Variants in ESYT3 observed in about 807,000 individuals in gnomAD.
The protein encoded by ESYT3 is extended synaptotagmin-3.
In ESYT3, 101 loss-of-function variants were observed where a neutral mutation model predicts 111.5. The observed-to-expected ratio is 0.91, with a 90% CI of 0.77 to 1.07. The LOEUF (loss-of-function observed/expected upper bound fraction) is 1.07, where lower values mean the gene tolerates loss of function less well. Ranked by LOEUF, ESYT3 falls within the 50% of genes least tolerant of loss-of-function variation. ESYT3 has a pLI of 0.00. For missense variants in ESYT3, 1,097 were observed against 1,109.4 expected (o/e 0.99, Z 0.16); for synonymous variants, 416 against 446.8 (o/e 0.93, Z 0.87).
At chr3:138,436,746 G>GCA (rs2030729505) in intron 1 of ESYT3, among the ~76,000 whole-genome samples, 1 of 152,174 alleles carries the variant, frequency 6.6e-6, no homozygotes, top group Non-Finnish European at 1.5e-5. Context: ...GCACACAGTT[G>GCA]AGGGAGTCCA....
intron 1 of ESYT3, among the ~76,000 whole-genome samples, chr3:138,451,245 C>A (rs775902022): frequency 6.6e-6 from 1 of 152,064 alleles, no homozygotes; most frequent in Admixed American, 6.5e-5. Flanking sequence ...GTTGTGACCC[C>A]GTAGTTGGAA....
In ESYT3 at chr3:138,472,732, C is replaced by A. The variant is rs749111800; in HGVS notation, c.2110C>A (p.Pro704Thr). 6.2e-7 allele frequency: 1 copy of A among 1,614,234 alleles called. No homozygotes were observed. The highest frequency in any genetic ancestry group is 8.5e-7 in the Non-Finnish European group (1 of 1,180,040). ...GPHSPGPIKS[P>T]RPMKCPASPF... ...CCACTCTCCAGGGCCCATCAAGTCA[C>A]CCAGACCCATGAAATGCCCTGCCTC... Residue 704 changes from proline to threonine, a missense_variant, in exon 18 of 23, where the codon CCC becomes ACC. Physicochemically the swap from Pro to Thr is conservative, Grantham distance 38. Transcript: ENST00000389567.
At chr3:138,466,117 G>A (rs772262160) in intron 10 of ESYT3, among the ~76,000 whole-genome samples, 4 of 152,216 alleles carry the variant, frequency 2.6e-5, no homozygotes, top group Non-Finnish European at 5.9e-5. Flanking sequence ...ATTATGAAGT[G>A]GGGGAGAGCA....
intron 2 of ESYT3, among the ~76,000 whole-genome samples, chr3:138,454,915 T>C (rs1041235457): frequency 6.6e-6 from 1 of 152,232 alleles, no homozygotes; most frequent in Non-Finnish European, 1.5e-5. Flanking sequence ...ATAAATGTAG[T>C]GAATGAGTAT....
rs1381848587 is a variant in ESYT3 at position 138,472,814 on chromosome 3, T to G, written c.2192T>G (p.Leu731Trp). ...LAPSMSSLNS[L>W]ASSCFDLADI... is the part of the protein sequence containing the mutation. ...CCCAGCATGTCCTCGCTCAACTCCT[T>G]GGCCTCTTCTTGCTTTGACCTGGCA... Residue 731 changes from leucine (L) to tryptophan (W), a missense_variant, in exon 18 of 23, where the codon TTG becomes TGG. Physicochemically the swap from Leu to Trp is moderately conservative, Grantham distance 61. Transcript: ENST00000389567. 1 of 1,614,240 alleles carries G rather than the reference T, an allele frequency of 6.2e-7. No individual in the cohort carries two copies. The highest frequency in any genetic ancestry group is 1.7e-5 in the Admixed American group (1 of 60,034).
Position 138,434,777 on chromosome 3 carries a change from A to G in ESYT3, c.-22A>G. 6.6e-7 allele frequency: 1 copy of G among 1,512,924 alleles called. No individual in the cohort carries two copies. The highest frequency in any genetic ancestry group is 1.3e-5 in the South Asian group (1 of 77,128). The allele number at this position is 1,512,924 out of a possible 1,614,324, so 93.7% of individuals were successfully genotyped here. A position where few individuals can be genotyped will look rare whatever the true frequency, so the allele number is the denominator to read the frequency against. On this transcript the variant is annotated 5_prime_UTR_variant, in exon 1 of 23. Coordinates refer to ENST00000389567, the MANE Select transcript of ESYT3 (RefSeq NM_031913.5). ...CTAAGCTCGGGTGAAGCTCTCGGGAAGGGCAAGACTGCGGCGACGAGATGC... is the reference window on the plus strand; with the variant it reads ...CTAAGCTCGGGTGAAGCTCTCGGGAGGGGCAAGACTGCGGCGACGAGATGC...
chr3:138,466,546 T>C (rs2032937687), intron 10 of ESYT3, among the ~76,000 whole-genome samples: 1 of 152,190 alleles, frequency 6.6e-6, no homozygotes, highest in African/African-American at 2.4e-5. Flanking sequence ...TAGTAACTGA[T>C]TTCAGGTGTG....
chr3:138,470,405 ACAGT>A, intron 16 of ESYT3: 1 of 1,177,576 alleles, frequency 8.5e-7, no homozygotes, highest in South Asian at 2.6e-5. Flanking sequence ...TATTTGCTAC[ACAGT>A]ACCCAGAGCA....
chr3:138,458,979 G>A (rs1012108171), intron 4 of ESYT3, among the ~76,000 whole-genome samples: 1 of 152,134 alleles, frequency 6.6e-6, no homozygotes, highest in South Asian at 2.1e-4. Flanking sequence ...TGCCTCCTGG[G>A]GTCTGGGCTT....
intron 16 of ESYT3, 84 bp from the exon 17 acceptor site, chr3:138,470,793 C>A: frequency 6.3e-7 from 1 of 1,595,198 alleles, no homozygotes. Context: ...TGAAGTAAAC[C>A]CAAACTTGGC....
At chr3:138,452,137 G>C (rs1398428467) in intron 2 of ESYT3, 48 bp downstream of exon 2, 1 of 1,589,884 alleles carries the variant, frequency 6.3e-7, no homozygotes, top group Non-Finnish European at 8.6e-7. Context: ...TGCCAGCCTC[G>C]TCCTCCCCGC....
At chr3:138,455,913 G>A (rs116753212) in intron 3 of ESYT3, among the ~76,000 whole-genome samples, 5 of 152,134 alleles carry the variant, frequency 3.3e-5, no homozygotes, top group African/African-American at 1.2e-4. Context: ...GGTGCCCTAC[G>A]CCTCCTGCCT....
chr3:138,455,148 T>A, intron 2 of ESYT3, 46 bp from the exon 3 acceptor site: 1 of 1,608,154 alleles, frequency 6.2e-7, no homozygotes, highest in South Asian at 1.1e-5. Flanking sequence ...GGGTCTGCAG[T>A]GGGGGTACAG....
chr3:138,451,003 C>G (rs1293384319), intron 1 of ESYT3, among the ~76,000 whole-genome samples: 1 of 152,212 alleles, frequency 6.6e-6, no homozygotes, highest in African/African-American at 2.4e-5. Flanking sequence ...GTGTTTTGTG[C>G]AGGTACCCTG....
At position 138,440,063 on chromosome 3, in the gene ESYT3, G is replaced by A. The variant is rs76462574; in HGVS notation, c.327+4938G>A. Reference sequence around the variant, plus strand: ...GACATTTTAGGAGATGTTCTATAGAGTCTTCATAGCTGTAGGGTCTGCCAT... The same window carrying A: ...GACATTTTAGGAGATGTTCTATAGAATCTTCATAGCTGTAGGGTCTGCCAT... On this transcript the variant is annotated intron_variant, in intron 1 of 22. Transcript: ENST00000389567. This position sits in a 1 kb window ranked among gnomAD's most constrained non-coding sequence, Gnocchi z 4.2. Among the ~76,000 whole-genome samples, 1,263 of 152,286 alleles carry A rather than the reference G, an allele frequency of 8.3e-3. 21 individuals carry two copies. Among genetic ancestry groups the A allele is most frequent in the African/African-American group, 0.028 (1,143 of 41,552 alleles).
intron 3 of ESYT3, among the ~76,000 whole-genome samples, chr3:138,457,236 G>A (rs376853846): frequency 2.0e-5 from 3 of 152,328 alleles, no homozygotes; most frequent in African/African-American, 7.2e-5. Context: ...GTGCTGTGGG[G>A]CCAGTGACTT....
rs1319381462 is a variant in ESYT3 at position 138,440,936 on chromosome 3, A to T, written c.327+5811A>T. 1.3e-5 allele frequency among the ~76,000 whole-genome samples: 2 copies of T among 152,232 alleles called. No homozygotes were observed. The highest frequency in any genetic ancestry group is 2.4e-5 in the African/African-American group (1 of 41,460). On this transcript the variant is annotated intron_variant, in intron 1 of 22. Transcript: ENST00000389567. This position sits in a 1 kb window ranked among gnomAD's most constrained non-coding sequence, Gnocchi z 4.2. ...CATGGCCCCTGCCCTTGAGGAACCC[A>T]TGAGCTAGATGGAGATTCAGACCTG...
chr3:138,452,344 C>T (rs940948677), intron 2 of ESYT3, among the ~76,000 whole-genome samples: 1 of 152,216 alleles, frequency 6.6e-6, no homozygotes, highest in Non-Finnish European at 1.5e-5. Flanking sequence ...TCCCCACTAG[C>T]TCACCAGGCC....
rs1035646830 is a variant in ESYT3 at position 138,440,764 on chromosome 3, G to A, written c.327+5639G>A. On this transcript the variant is annotated intron_variant, in intron 1 of 22. Transcript: ENST00000389567. This position sits in a 1 kb window ranked among gnomAD's most constrained non-coding sequence, Gnocchi z 4.2. ...CCTGGGCCAGGATTGAGCAATATGA[G>A]TGACAGAGTATGGGCCCTCTTTCCT... is the stretch of plus-strand genomic sequence containing the variant. 6.6e-6 allele frequency among the ~76,000 whole-genome samples: 1 copy of A among 152,144 alleles called. No homozygotes were observed. The highest frequency in any genetic ancestry group is 2.4e-5 in the African/African-American group (1 of 41,430).
Sources: allele counts gnomAD v4.1 joint callset (sites outside exome capture counted in the v4.1 genomes callset), GRCh38; gene constraint gnomAD v4.1.1; non-coding constraint Gnocchi (gnomAD v3.1); transcripts MANE v1.5; gene names NCBI Gene and HGNC (gene_info 2026-07-23, HGNC 2026-07-21).